The following NRG1 variants were observed in gnomAD, a reference collection of about 807,000 sequenced individuals.
The protein encoded by NRG1 is pro-neuregulin-1, membrane-bound isoform.
A neutral mutation model predicts 63.8 loss-of-function variants in NRG1; 18 were observed. That is an observed-to-expected ratio of 0.28 (90% CI 0.19 to 0.42). The LOEUF (loss-of-function observed/expected upper bound fraction) is 0.42, where lower values mean the gene tolerates loss of function less well. Ranked by LOEUF, NRG1 falls within the 10% of genes least tolerant of loss-of-function variation. The pLI is 1.00. For synonymous variants in NRG1, 302 were observed against 301.3 expected (o/e 1.00, Z -0.02); for missense variants, 762 against 814.7 (o/e 0.94, Z 0.79).
intron 1 of NRG1, among the ~76,000 whole-genome samples, chr8:31,712,022 G>A (rs1020369087): frequency 3.3e-5 from 5 of 151,954 alleles, no homozygotes; most frequent in South Asian, 2.1e-4. Context: ...CTCCAAATAC[G>A]TTTGTTGTAT....
chr8:32,301,089 C>T (rs910409107), intron 1 of NRG1, among the ~76,000 whole-genome samples: 64 of 152,066 alleles, frequency 4.2e-4, no homozygotes, highest in African/African-American at 1.4e-3. Context: ...TAACTATTTT[C>T]TAAGAATAAC....
At chr8:31,857,817 A>G (rs1828068050) in intron 1 of NRG1, among the ~76,000 whole-genome samples, 1 of 152,222 alleles carries the variant, frequency 6.6e-6, no homozygotes, top group Admixed American at 6.5e-5. Flanking sequence ...AATGGGTCAT[A>G]AAGCAATGGA....
At chr8:31,772,886 G>A (rs1050507269) in intron 1 of NRG1, among the ~76,000 whole-genome samples, 2 of 152,126 alleles carry the variant, frequency 1.3e-5, no homozygotes, top group African/African-American at 4.8e-5. Context: ...TAGTGATGCT[G>A]TTCAATCATA....
chr8:32,041,768 A>G (rs1311891615), intron 1 of NRG1, among the ~76,000 whole-genome samples: 1 of 152,198 alleles, frequency 6.6e-6, no homozygotes, highest in Non-Finnish European at 1.5e-5. Context: ...CATTTTCTAG[A>G]TAAAGAATTG....
chr8:31,706,195 A>G (rs1287268179), intron 1 of NRG1, among the ~76,000 whole-genome samples: 1 of 151,974 alleles, frequency 6.6e-6, no homozygotes, highest in African/African-American at 2.4e-5. Context: ...CTGCATGAAA[A>G]CTACTGTTAC....
chr8:31,957,190 G>GT (rs5890609), intron 1 of NRG1, among the ~76,000 whole-genome samples: 115,851 of 147,932 alleles, frequency 0.78, 45,607 homozygotes, highest in Middle Eastern at 0.81. Flanking sequence ...AAATCAAAGA[G>GT]TTTTTTTTTT....
intron 1 of NRG1, among the ~76,000 whole-genome samples, chr8:31,983,010 G>A (rs1249974760): frequency 6.6e-6 from 1 of 152,036 alleles, no homozygotes; most frequent in African/African-American, 2.4e-5. Flanking sequence ...ATCATATAGT[G>A]ACTCATTCAA....
At chr8:32,586,724 A>C (rs1588502255) in intron 1 of NRG1, among the ~76,000 whole-genome samples, 1 of 152,172 alleles carries the variant, frequency 6.6e-6, no homozygotes, top group African/African-American at 2.4e-5. Flanking sequence ...CCATCTCCTC[A>C]CCTGTAAATG....
Position 31,707,593 on chromosome 8 carries a change from G to A in NRG1, c.37+68162G>A, listed in dbSNP as rs192614405. ...ATTAAATTGCTGTCTTTATGATCTC[G>A]AAATTTATTCTCAAAATTATGATAT... On this transcript the variant is annotated intron_variant, in intron 1 of 10. Coordinates refer to the NRG1 transcript ENST00000519301. Among the ~76,000 whole-genome samples the A allele has an allele frequency of 2.8e-3, 422 of 151,978 alleles. 2 individuals carry two copies. Among genetic ancestry groups the A allele is most frequent in the Non-Finnish European group, 4.3e-3 (289 of 67,958 alleles).
At chr8:31,799,066 C>T (rs181259260) in intron 1 of NRG1, among the ~76,000 whole-genome samples, 4 of 152,134 alleles carry the variant, frequency 2.6e-5, no homozygotes, top group African/African-American at 9.6e-5. Context: ...ATTTGGATTG[C>T]CACATGCTGT....
rs138854326 is a variant in NRG1, at chr8:32,351,872, G to A, written c.38-243956G>A. ...TACTAAAGTAGAGGCCCATTCTGGA[G>A]AATAGTAAGAAATAAGGAGCAATAC... On this transcript the variant is annotated intron_variant, in intron 1 of 10. Coordinates refer to the NRG1 transcript ENST00000519301. Among the ~76,000 whole-genome samples, 1,080 of 152,082 alleles carry A rather than the reference G, an allele frequency of 7.1e-3. 6 individuals are homozygous for A. The highest frequency in any genetic ancestry group is 0.012 in the Non-Finnish European group (784 of 68,002).
intron 1 of NRG1, among the ~76,000 whole-genome samples, chr8:32,023,893 G>A (rs1816834007): frequency 6.6e-6 from 1 of 152,134 alleles, no homozygotes; most frequent in African/African-American, 2.4e-5. Context: ...AGCCAGCACT[G>A]ATTTGACATT....
At chr8:32,051,273 A>C in intron 1 of NRG1, among the ~76,000 whole-genome samples, 1 of 152,278 alleles carries the variant, frequency 6.6e-6, no homozygotes, top group East Asian at 1.9e-4. Context: ...GCTAGACTCA[A>C]TGCTAGGTCC....
At chr8:31,692,686 C>T (rs1809650732) in intron 1 of NRG1, among the ~76,000 whole-genome samples, 1 of 152,128 alleles carries the variant, frequency 6.6e-6, no homozygotes, top group Non-Finnish European at 1.5e-5. Flanking sequence ...ATAGGACAGC[C>T]ACTATGCTTG....
downstream of NRG1, among the ~76,000 whole-genome samples, chr8:32,772,538 GT>G (rs1831885490): frequency 1.3e-5 from 2 of 152,064 alleles, no homozygotes; most frequent in South Asian, 4.1e-4. Context: ...TATTATAGAT[GT>G]AAACTTTGCA....
chr8:32,115,634 C>T (rs777110217), intron 1 of NRG1, among the ~76,000 whole-genome samples: 7 of 152,066 alleles, frequency 4.6e-5, no homozygotes, highest in Non-Finnish European at 5.9e-5. Flanking sequence ...AGTGGACCCA[C>T]GCAGTTCAAA....
At chr8:32,010,100 C>T (rs1329768177) in intron 1 of NRG1, among the ~76,000 whole-genome samples, 1 of 152,010 alleles carries the variant, frequency 6.6e-6, no homozygotes, top group African/African-American at 2.4e-5. Flanking sequence ...TCCTGGGCAC[C>T]TTCAGCAAAC....
At chr8:32,105,369 T>A (rs1355234610) in intron 1 of NRG1, among the ~76,000 whole-genome samples, 2 of 151,908 alleles carry the variant, frequency 1.3e-5, no homozygotes, top group Non-Finnish European at 2.9e-5. Context: ...TGGCAGAAGG[T>A]GGAAGGCACC....
At chr8:32,094,952 G>A (rs1224928322) in intron 1 of NRG1, among the ~76,000 whole-genome samples, 3 of 142,402 alleles carry the variant, frequency 2.1e-5, no homozygotes, top group South Asian at 4.4e-4. Flanking sequence ...TCGCTCTGTC[G>A]CCAGGCTGGA....
Sources: gnomAD v4.1 joint callset for allele counts (sites outside exome capture counted in the v4.1 genomes callset) on GRCh38, gnomAD v4.1.1 for gene constraint, MANE v1.5 for transcripts, NCBI Gene and HGNC (gene_info 2026-07-23, HGNC 2026-07-21) for gene names.